The following CDK15 variants were observed in gnomAD, a reference collection of about 807,000 sequenced individuals.
CDK15 encodes cyclin dependent kinase 15.
In CDK15, 62 loss-of-function variants were observed where a neutral mutation model predicts 60.3. That is an observed-to-expected ratio of 1.03 (90% CI 0.84 to 1.27). The LOEUF is 1.27. Among genes scored for constraint, CDK15 ranks in the 50% most tolerant of loss-of-function variants. CDK15 has a pLI of 0.00. For missense variants in CDK15, 541 were observed against 527.8 expected, an observed-to-expected ratio of 1.03 and a Z score of -0.25; for synonymous variants, 194 against 195.7, an observed-to-expected ratio of 0.99 and a Z score of 0.07.
Position 201,889,374 on chromosome 2 carries a change from T to C in CDK15, c.1199-1411T>C, listed in dbSNP as rs920822565. 19 of 982,606 alleles carry C rather than the reference T, an allele frequency of 1.9e-5. No individual in the cohort carries two copies. The African/African-American group carries it at 3.3e-4, about 17-fold the overall frequency. 60.9% of individuals were successfully genotyped at this position (982,606 alleles called of 1,614,324 possible). A position where few individuals can be genotyped will look rare whatever the true frequency, so the allele number is the denominator to read the frequency against. ...TGACAATGTGGCTGCTGCCTCTTGC[T>C]ATTTTTCTCAGATATCTGTGCTAAT... is the stretch of plus-strand genomic sequence containing the variant. On this transcript the variant is annotated intron_variant, in intron 12 of 13. Transcript: ENST00000652192.
chr2:201,827,322 T>A (rs1696551321), intron 6 of CDK15, among the ~76,000 whole-genome samples: 1 of 152,196 alleles, frequency 6.6e-6, no homozygotes, highest in African/African-American at 2.4e-5. Flanking sequence ...GGCATACGCC[T>A]GTAGTCCCAG....
At position 201,835,716 on chromosome 2, in the gene CDK15, T is replaced by C; in HGVS notation, c.804T>C (p.Pro268=). 6.2e-7 allele frequency: 1 copy of C among 1,610,564 alleles called. No individual in the cohort carries two copies. The highest frequency in any genetic ancestry group is 8.5e-7 in the Non-Finnish European group (1 of 1,177,750). Residue 268 remains proline (P), a synonymous_variant, in exon 8 of 14, where the codon CCT becomes CCC. Coordinates refer to ENST00000652192, the MANE Select transcript of CDK15 (RefSeq NM_001366386.2). The stretch of plus-strand genomic sequence containing the variant: ...TCGTGACCCTCTGGTACCGGCCCCC[T>C]GATGCTTTGCTGGGAGCCACTGAAT... ...SEVVTLWYRP[P]DALLGATEYS... is the part of the protein sequence containing the mutation.
rs907326037 is a variant in CDK15, at chr2:201,895,003, C to T, written c.*1736C>T. On this transcript the variant is annotated 3_prime_UTR_variant, in exon 14 of 14. Transcript: ENST00000652192. ...ACAATATGAATTAATAGTATAATTT[C>T]GCTGTCCCCCAGAGATAATGCTAGT... 9 of 152,168 alleles carry T rather than the reference C, an allele frequency of 5.9e-5. No individual in the cohort carries two copies. In the South Asian group the frequency reaches 8.3e-4, roughly 14 times the overall value. The allele number at this position is 152,168 out of a possible 1,614,324, so 9.4% of individuals were successfully genotyped here.
chr2:201,816,253 C>T (rs559632684), intron 4 of CDK15, among the ~76,000 whole-genome samples: 4 of 152,130 alleles, frequency 2.6e-5, no homozygotes, highest in Admixed American at 6.5e-5. Flanking sequence ...TTTTTCAACC[C>T]GTGTCCCTCT....
At position 201,836,058 on chromosome 2, in the gene CDK15, T is replaced by TATTTA. The variant is rs1553523956; in HGVS notation, c.851+295_851+296insATTTA. 1.8e-3 allele frequency among the ~76,000 whole-genome samples: 171 copies of TATTTA among 95,970 alleles called. 1 individual carries two copies. The highest frequency in any genetic ancestry group is 8.1e-3 in the African/African-American group (166 of 20,484). The allele number at this position is 95,970 out of a possible 152,430, so 63.0% of individuals were successfully genotyped here. ...TATTTTATATATATTTATATATATA[T>TATTTA]TATATATATTTATATTTATATATAT... On this transcript the variant is annotated intron_variant, in intron 8 of 13. Transcript: ENST00000652192.
chr2:201,816,454 G>GTTTT (rs1695994544), intron 4 of CDK15, among the ~76,000 whole-genome samples: 1 of 84,248 alleles, frequency 1.2e-5, no homozygotes, highest in Non-Finnish European at 2.2e-5. Context: ...CTAAGGAAAT[G>GTTTT]GTTTTTTTTT....
intron 10 of CDK15, among the ~76,000 whole-genome samples, chr2:201,858,891 AC>A (rs767281480): frequency 1.3e-5 from 2 of 150,616 alleles, no homozygotes; most frequent in Admixed American, 6.6e-5. Context: ...TTGCTCTGTG[AC>A]CCCCCAAAAC....
chr2:201,838,518 C>T (rs1202935440), intron 8 of CDK15, among the ~76,000 whole-genome samples: 1 of 151,922 alleles, frequency 6.6e-6, no homozygotes, highest in Non-Finnish European at 1.5e-5. Context: ...GATCCTCCTG[C>T]CTCAGCCTCC....
chr2:201,810,236 T>G (rs1196014642), intron 3 of CDK15, among the ~76,000 whole-genome samples: 1 of 151,824 alleles, frequency 6.6e-6, no homozygotes, highest in African/African-American at 2.4e-5. Flanking sequence ...TGCAAAATAG[T>G]TCAATAAAAA....
chr2:201,843,626 CAT>C (rs1173093343), intron 8 of CDK15, among the ~76,000 whole-genome samples: 2 of 152,094 alleles, frequency 1.3e-5, no homozygotes, highest in Non-Finnish European at 2.9e-5. Context: ...CAAGTGCACA[CAT>C]ACACACACTA....
intron 10 of CDK15, among the ~76,000 whole-genome samples, chr2:201,857,220 G>A (rs1348503937): frequency 2.2e-5 from 1 of 44,960 alleles, no homozygotes; most frequent in Non-Finnish European, 7.1e-5. Context: ...GCGACAGAGC[G>A]AGACTCCGTC....
intron 10 of CDK15, among the ~76,000 whole-genome samples, chr2:201,870,891 C>T (rs774162798): frequency 2.0e-4 from 31 of 152,190 alleles, no homozygotes; most frequent in Admixed American, 6.5e-4. Flanking sequence ...GCTCCTCTTA[C>T]ATAGAAGAAG....
In CDK15 at chr2:201,860,891, T is replaced by C. The variant is rs937787393; in HGVS notation, c.1009+5954T>C. The C allele has an allele frequency of 1.9e-5, 25 of 1,349,936 alleles. No homozygotes were observed. In the African/African-American group the frequency reaches 3.4e-4, roughly 18 times the overall value. 83.6% of individuals were successfully genotyped at this position (1,349,936 alleles called of 1,614,324 possible). A position where few individuals can be genotyped will look rare whatever the true frequency, so the allele number is the denominator to read the frequency against. ...GAAACCACTATGAGACAGAAGATGA[T>C]TAAAATGATCCTTGTCCCCACTGGG... On this transcript the variant is annotated intron_variant, in intron 10 of 13. Transcript: ENST00000652192.
chr2:201,836,882 A>C (rs1381856412), intron 8 of CDK15, among the ~76,000 whole-genome samples: 1 of 151,286 alleles, frequency 6.6e-6, no homozygotes, highest in African/African-American at 2.4e-5. Context: ...TTAACTCTGG[A>C]TTCTGTTATC....
intron 9 of CDK15, among the ~76,000 whole-genome samples, chr2:201,849,747 G>A (rs1166783346): frequency 2.6e-5 from 4 of 152,156 alleles, no homozygotes; most frequent in African/African-American, 9.6e-5. Flanking sequence ...TACTTGAAGA[G>A]TAGTTTATTT....
intron 10 of CDK15, 23 bp downstream of exon 10, chr2:201,854,960 A>C (rs1442719246): frequency 1.2e-6 from 2 of 1,610,154 alleles, no homozygotes; most frequent in African/African-American, 2.7e-5. Flanking sequence ...TGAGCTTCTG[A>C]ATACTCTGAG....
At position 201,812,570 on chromosome 2, in the gene CDK15, C is replaced by T. The variant is rs1440703711; in HGVS notation, c.448+8C>T. The T allele has an allele frequency of 4.4e-6, 7 of 1,601,178 alleles. No homozygotes were observed. The highest frequency in any genetic ancestry group is 6.0e-6 in the Non-Finnish European group (7 of 1,168,948). On this transcript the variant is annotated splice_region_variant and intron_variant, in intron 4 of 13. Transcript: ENST00000652192. ...TTACAGCTATCCGAGAAGGTAAGAA[C>T]AGCAGAAATGGACCCAATAGATCTG...
chr2:201,868,260 AC>A (rs1348392520), intron 10 of CDK15, among the ~76,000 whole-genome samples: 1 of 152,226 alleles, frequency 6.6e-6, no homozygotes, highest in African/African-American at 2.4e-5. Context: ...TTTTTATATT[AC>A]ATTTACTATC....
At position 201,882,199 on chromosome 2, in the gene CDK15, A is replaced by ATGTGTG. The variant is rs374708377; in HGVS notation, c.1198+2045_1198+2050dup. ...TATGTGTGTATATGTGTGTGTGCGT[A>ATGTGTG]TGTGTGTGTGTGTGTGTGAGAGAGA... On this transcript the variant is annotated intron_variant, in intron 12 of 13. Transcript: ENST00000652192. The surrounding 1 kb of genome is among the most constrained non-coding windows in gnomAD (Gnocchi z 4.0). Among the ~76,000 whole-genome samples, 1 of 149,388 alleles carries ATGTGTG rather than the reference A, an allele frequency of 6.7e-6. No individual in the cohort carries two copies. The highest frequency in any genetic ancestry group is 1.5e-5 in the Non-Finnish European group (1 of 67,178).
Sources: allele counts gnomAD v4.1 joint callset (sites outside exome capture counted in the v4.1 genomes callset), GRCh38; gene constraint gnomAD v4.1.1; non-coding constraint Gnocchi (gnomAD v3.1); transcripts MANE v1.5; gene names NCBI Gene and HGNC (gene_info 2026-07-23, HGNC 2026-07-21).